The following BPTF variants were observed in gnomAD, a reference collection of about 807,000 sequenced individuals.
BPTF encodes bromodomain PHD finger transcription factor, also known as nucleosome-remodeling factor subunit BPTF.
In BPTF, 18 loss-of-function variants were observed where a neutral mutation model predicts 292.5. That is an observed-to-expected ratio of 0.06 (90% CI 0.04 to 0.09). The LOEUF is 0.09. BPTF is among the 10% of genes least tolerant of loss of function. The probability of loss-of-function intolerance (pLI) is 1.00; values close to 1 mark genes in which losing one functional copy is unlikely to be tolerated. For missense variants in BPTF, 2,726 were observed against 3,498.7 expected (o/e 0.78, Z 5.57); for synonymous variants, 1,225 against 1,251.9 (o/e 0.98, Z 0.45).
intron 7 of BPTF, 134 bp downstream of exon 7, chr17:67,894,299 A>G (rs1489362851): frequency 1.3e-5 from 11 of 856,780 alleles, no homozygotes; most frequent in Admixed American, 2.5e-5. Flanking sequence ...TTCTTCCTAT[A>G]TAAGTTGTAA....
intron 3 of BPTF, among the ~76,000 whole-genome samples, chr17:67,872,223 T>C (rs2059786345): frequency 6.6e-6 from 1 of 152,254 alleles, no homozygotes; most frequent in Admixed American, 6.5e-5. Context: ...TTTAACAATA[T>C]AGACTATTTG....
At chr17:67,833,179 G>A (rs1470248994) in intron 1 of BPTF, among the ~76,000 whole-genome samples, 2 of 151,358 alleles carry the variant, frequency 1.3e-5, no homozygotes, top group Admixed American at 6.6e-5. Flanking sequence ...GTTTTCAAGC[G>A]TTATGCATAT....
At chr17:67,892,488 G>A (rs1159029331) in intron 5 of BPTF, among the ~76,000 whole-genome samples, 2 of 152,216 alleles carry the variant, frequency 1.3e-5, no homozygotes, top group African/African-American at 2.4e-5. Flanking sequence ...GGACAGCATG[G>A]CATCCCAGCT....
At position 67,931,911 on chromosome 17, in the gene BPTF, G is replaced by A. The variant is rs1327272346; in HGVS notation, c.6151G>A (p.Val2051Ile). Residue 2051 changes from valine to isoleucine, a missense_variant and splice_region_variant, in exon 18 of 28, where the codon GTA (valine) becomes ATA (isoleucine). This residue lies in a region of BPTF where 570 missense variants were observed against 633.5 expected (regional missense o/e 0.90). Coordinates refer to ENST00000306378, the MANE Select transcript of BPTF (RefSeq NM_182641.4). ...GSGGTTSNSQVITGPQIRPGM... is the reference protein window; with the variant it reads ...GSGGTTSNSQIITGPQIRPGM... ...TCATTGTTCTTTGTGTCATTTATAG[G>A]TAATCACAGGGCCTCAGATTCGCCC... The A allele has an allele frequency of 1.2e-6, 2 of 1,608,440 alleles. No individual in the cohort carries two copies. The highest frequency in any genetic ancestry group is 1.7e-6 in the Non-Finnish European group (2 of 1,176,556).
At chr17:67,867,849 G>A (rs2059478225) in intron 3 of BPTF, among the ~76,000 whole-genome samples, 1 of 152,122 alleles carries the variant, frequency 6.6e-6, no homozygotes, top group Admixed American at 6.5e-5. Flanking sequence ...GGGTGAGGCA[G>A]TGTTCGTCAG....
At chr17:67,864,766 T>A (rs368883313) in intron 2 of BPTF, among the ~76,000 whole-genome samples, 2 of 152,136 alleles carry the variant, frequency 1.3e-5, no homozygotes, top group East Asian at 3.9e-4. Flanking sequence ...TTTGGAATAT[T>A]TGCATTATAC....
At chr17:67,948,444 A>C in intron 23 of BPTF, 138 bp downstream of exon 23, 1 of 784,486 alleles carries the variant, frequency 1.3e-6, no homozygotes, top group South Asian at 1.9e-5. Flanking sequence ...AGTAAAAAGC[A>C]GTGCAGCGTG....
At chr17:67,901,315 A>C (rs529676470) in intron 7 of BPTF, among the ~76,000 whole-genome samples, 293 of 151,772 alleles carry the variant, frequency 1.9e-3, no homozygotes, top group African/African-American at 6.8e-3. Context: ...AAAAAAAAAA[A>C]AACCCAGAAC....
At chr17:67,857,998 G>A (rs1394854328) in intron 2 of BPTF, among the ~76,000 whole-genome samples, 1 of 151,186 alleles carries the variant, frequency 6.6e-6, no homozygotes, top group Non-Finnish European at 1.5e-5. Context: ...ATATTGGCCA[G>A]GCTGGTCTCG....
intron 18 of BPTF, among the ~76,000 whole-genome samples, chr17:67,933,075 A>G (rs1449224510): frequency 6.6e-6 from 1 of 152,010 alleles, no homozygotes; most frequent in Non-Finnish European, 1.5e-5. Context: ...CAACATGGGG[A>G]AACCCTATCT....
intron 24 of BPTF, chr17:67,963,554 T>G: frequency 7.4e-7 from 1 of 1,343,880 alleles, no homozygotes; most frequent in Non-Finnish European, 9.6e-7. Flanking sequence ...GAAGCCAAAT[T>G]GCTCTGACTG....
At chr17:67,876,224 G>A (rs1244530588) in intron 4 of BPTF, among the ~76,000 whole-genome samples, 2 of 152,186 alleles carry the variant, frequency 1.3e-5, no homozygotes, top group Non-Finnish European at 2.9e-5. Flanking sequence ...ACATAAAAAT[G>A]TAAGTTGACC....
intron 26 of BPTF, among the ~76,000 whole-genome samples, chr17:67,972,464 G>A (rs1304782894): frequency 4.6e-5 from 7 of 151,998 alleles, no homozygotes; most frequent in Non-Finnish European, 8.8e-5. Context: ...GGCTGGTCTC[G>A]AACTCTTGAC....
intron 4 of BPTF, among the ~76,000 whole-genome samples, chr17:67,875,400 C>A (rs2059993599): frequency 6.6e-6 from 1 of 152,096 alleles, no homozygotes; most frequent in Admixed American, 6.6e-5. Context: ...TCTGAATTAC[C>A]TATTGCAGCA....
chr17:67,835,550 C>G (rs1235888844), intron 1 of BPTF, among the ~76,000 whole-genome samples: 1 of 152,010 alleles, frequency 6.6e-6, no homozygotes, highest in Admixed American at 6.6e-5. Flanking sequence ...TATTGCATTT[C>G]TGCAATAAGA....
intron 3 of BPTF, among the ~76,000 whole-genome samples, chr17:67,872,910 C>T (rs550170363): frequency 2.0e-4 from 31 of 151,666 alleles, no homozygotes; most frequent in African/African-American, 7.5e-4. Context: ...AGTGAGACTC[C>T]ATCTCTATTT....
intron 23 of BPTF, among the ~76,000 whole-genome samples, chr17:67,958,794 G>A (rs1555682133): frequency 6.6e-6 from 1 of 151,524 alleles, no homozygotes; most frequent in Admixed American, 6.6e-5. Flanking sequence ...GCGAAACCCC[G>A]TTTCTACTAA....
rs2056006830 is a variant in BPTF, at chr17:67,826,193, G to A, written c.469G>A (p.Asp157Asn). 5 of 1,611,258 alleles carry A rather than the reference G, an allele frequency of 3.1e-6. No individual in the cohort carries two copies. The African/African-American group carries it at 6.7e-5, about 21-fold the overall frequency. Residue 157 changes from aspartate to asparagine, a missense_variant, in exon 1 of 28, where the codon GAT (aspartate) becomes AAT (asparagine). Asp to Asn is a conservative substitution (Grantham distance 23). This residue lies in a region of BPTF where 153 missense variants were observed against 178.3 expected (regional missense o/e 0.86). Coordinates refer to ENST00000306378, the MANE Select transcript of BPTF (RefSeq NM_182641.4). The stretch of plus-strand genomic sequence containing the variant: ...GGACGGCGACGCCGAGGAGACCCAG[G>A]ATTCTGAGGACGACGAGGAGGATGA... Reference protein sequence around the residue: ...EEDGDAEETQDSEDDEEDEME... With the variant: ...EEDGDAEETQNSEDDEEDEME...
At chr17:67,857,148 A>ATTTTTTTTTTTTTTTTTTTTTTTTT (rs35727338) in intron 2 of BPTF, among the ~76,000 whole-genome samples, 1 of 97,586 alleles carries the variant, frequency 1.0e-5, no homozygotes, top group Non-Finnish European at 2.1e-5. Flanking sequence ...GTCTTTAACA[A>ATTTTTTTTTTTTTTTTTTTTTTTTT]TTTTTTTTTT....
Sources: gnomAD v4.1 joint callset for allele counts (sites outside exome capture counted in the v4.1 genomes callset) on GRCh38, gnomAD v4.1.1 for gene constraint, gnomAD v4.1.1 regional missense constraint, MANE v1.5 for transcripts, NCBI Gene and HGNC (gene_info 2026-07-23, HGNC 2026-07-21) for gene names.